Variants in PCDH15 observed in about 807,000 individuals in gnomAD.
The protein encoded by PCDH15 is protocadherin related 15.
PCDH15 carries 129 observed loss-of-function variants against 178.5 expected under a neutral mutation model. The ratio of observed to expected loss-of-function variants is 0.72; its 90% CI spans 0.63 to 0.84. The LOEUF is 0.84. PCDH15 is among the 40% of genes least tolerant of loss of function. PCDH15 has a pLI of 0.00. For synonymous variants in PCDH15, 800 were observed against 732.0 expected (o/e 1.09, Z -1.50); for missense variants, 2,230 against 2,099.9 (o/e 1.06, Z -1.21).
chr10:54,599,709 T>A (rs1394916147), intron 2 of PCDH15: 6 of 453,870 alleles, frequency 1.3e-5, no homozygotes, highest in Non-Finnish European at 2.5e-5. Context: ...CACCTGAAGT[T>A]AATGGAAAGA....
At chr10:55,508,495 T>A (rs1840810445) in intron 2 of PCDH15, among the ~76,000 whole-genome samples, 1 of 151,792 alleles carries the variant, frequency 6.6e-6, no homozygotes, top group Non-Finnish European at 1.5e-5. Flanking sequence ...ATCACGTCAG[T>A]GTGTTTAACT....
At chr10:55,444,002 G>C (rs1839257549) in intron 2 of PCDH15, among the ~76,000 whole-genome samples, 1 of 152,024 alleles carries the variant, frequency 6.6e-6, no homozygotes, top group South Asian at 2.1e-4. Context: ...CATGAAGCTG[G>C]AAACCATCAT....
chr10:54,652,359 G>A (rs981272199), intron 2 of PCDH15, among the ~76,000 whole-genome samples: 2 of 152,128 alleles, frequency 1.3e-5, no homozygotes, highest in African/African-American at 4.8e-5. Flanking sequence ...AACTGAATTA[G>A]GGCAGGGACA....
intron 18 of PCDH15, among the ~76,000 whole-genome samples, chr10:54,040,376 G>C (rs1213037105): frequency 2.0e-5 from 3 of 151,842 alleles, no homozygotes; most frequent in Non-Finnish European, 4.4e-5. Context: ...CCCTTTGCTT[G>C]GCTCTCATTC....
chr10:55,301,522 G>T (rs1403729867), intron 1 of PCDH15, among the ~76,000 whole-genome samples: 1 of 151,614 alleles, frequency 6.6e-6, no homozygotes, highest in Non-Finnish European at 1.5e-5. Flanking sequence ...TGTGTGGTTT[G>T]CAAATATTTT....
At chr10:54,238,133 C>T (rs1327550953) in intron 8 of PCDH15, among the ~76,000 whole-genome samples, 1 of 152,076 alleles carries the variant, frequency 6.6e-6, no homozygotes, top group Non-Finnish European at 1.5e-5. Flanking sequence ...GGCTGTGAAA[C>T]TTAAACTACT....
At chr10:54,492,171 A>G (rs899025751) in intron 3 of PCDH15, among the ~76,000 whole-genome samples, 2 of 152,216 alleles carry the variant, frequency 1.3e-5, no homozygotes, top group Admixed American at 6.6e-5. Flanking sequence ...TGTCAGTATC[A>G]TACATGGCTC....
chr10:53,895,292 G>A (rs1453154135), intron 26 of PCDH15, among the ~76,000 whole-genome samples: 1 of 151,862 alleles, frequency 6.6e-6, no homozygotes, highest in Non-Finnish European at 1.5e-5. Context: ...TTCTATCTAC[G>A]GCATCACTCT....
intron 13 of PCDH15, among the ~76,000 whole-genome samples, chr10:54,164,614 T>C (rs2046030222): frequency 6.6e-6 from 1 of 152,222 alleles, no homozygotes; most frequent in Non-Finnish European, 1.5e-5. Flanking sequence ...TCTATGGTTG[T>C]TAATTTGCTT....
intron 26 of PCDH15, 97 bp from the exon 27 acceptor site, chr10:53,866,954 T>A (rs1230306142): frequency 1.2e-6 from 1 of 843,248 alleles, no homozygotes; most frequent in Non-Finnish European, 2.0e-6. Flanking sequence ...AGGTTTCTTA[T>A]GTAATAATAA....
intron 3 of PCDH15, among the ~76,000 whole-genome samples, chr10:54,411,198 G>T (rs1275476090): frequency 1.4e-5 from 2 of 139,328 alleles, no homozygotes; most frequent in African/African-American, 5.2e-5. Context: ...TTAACTACAG[G>T]CATGCTTATA....
At chr10:54,039,375 G>T (rs2135498890) in intron 18 of PCDH15, among the ~76,000 whole-genome samples, 2 of 151,868 alleles carry the variant, frequency 1.3e-5, no homozygotes, top group South Asian at 4.2e-4. Context: ...GGGGATTAAG[G>T]GCCATATCAC....
intron 2 of PCDH15, among the ~76,000 whole-genome samples, chr10:55,101,273 AC>A (rs1842569052): frequency 6.6e-6 from 1 of 151,848 alleles, no homozygotes; most frequent in African/African-American, 2.4e-5. Flanking sequence ...CAGCTACTAC[AC>A]CGGAGGCTGA....
intron 7 of PCDH15, among the ~76,000 whole-genome samples, chr10:54,327,808 G>C (rs1938491242): frequency 6.6e-6 from 1 of 152,030 alleles, no homozygotes; most frequent in African/African-American, 2.4e-5. Context: ...TCAGAGTATA[G>C]CTGCTTTAAA....
At chr10:54,617,444 G>A (rs1034662078) in intron 2 of PCDH15, among the ~76,000 whole-genome samples, 1 of 152,048 alleles carries the variant, frequency 6.6e-6, no homozygotes, top group East Asian at 1.9e-4. Flanking sequence ...ACAATAAAGA[G>A]AACATACACT....
At chr10:54,926,865 A>G (rs1166518689) in intron 2 of PCDH15, among the ~76,000 whole-genome samples, 1 of 151,950 alleles carries the variant, frequency 6.6e-6, no homozygotes, top group Admixed American at 6.6e-5. Flanking sequence ...AGATAGTAGT[A>G]TATCTACTTT....
At chr10:54,446,572 AT>A (rs2076153269) in intron 3 of PCDH15, among the ~76,000 whole-genome samples, 1 of 151,024 alleles carries the variant, frequency 6.6e-6, no homozygotes, top group South Asian at 2.1e-4. Context: ...TGAATTATTT[AT>A]TTTTTAATTG....
chr10:55,484,005 A>G (rs571197015), intron 2 of PCDH15, among the ~76,000 whole-genome samples: 135 of 151,898 alleles, frequency 8.9e-4, no homozygotes, highest in Non-Finnish European at 1.5e-3. Context: ...TTGCAGGAAC[A>G]TGGATGGATC....
intron 8 of PCDH15, among the ~76,000 whole-genome samples, chr10:54,249,743 A>T (rs1037807529): frequency 1.3e-5 from 2 of 151,138 alleles, no homozygotes; most frequent in Non-Finnish European, 3.0e-5. Flanking sequence ...CAAATTATCT[A>T]TTTTTTTTCA....
Sources: allele counts gnomAD v4.1 joint callset (sites outside exome capture counted in the v4.1 genomes callset), GRCh38; gene constraint gnomAD v4.1.1; transcripts MANE v1.5; gene names NCBI Gene and HGNC (gene_info 2026-07-23, HGNC 2026-07-21).